Variants in ACSS3 observed in about 807,000 individuals in gnomAD.
The protein encoded by ACSS3 is acyl-CoA synthetase short-chain family member 3, mitochondrial.
A neutral mutation model predicts 84.2 loss-of-function variants in ACSS3; 64 were observed. The ratio of observed to expected loss-of-function variants is 0.76; its 90% CI spans 0.62 to 0.94. The LOEUF is 0.94. Among genes scored for constraint, ACSS3 ranks in the 40% least tolerant of loss-of-function variants. The pLI is 0.00. For missense variants in ACSS3, 815 were observed against 867.6 expected (o/e 0.94, Z 0.76); for synonymous variants, 317 against 310.1 (o/e 1.02, Z -0.23).
intron 7 of ACSS3, among the ~76,000 whole-genome samples, chr12:81,174,178 T>C (rs1327785405): frequency 6.6e-6 from 1 of 152,224 alleles, no homozygotes; most frequent in Non-Finnish European, 1.5e-5. Flanking sequence ...TTGAATTGTA[T>C]GGCTTGCCAA....
At chr12:81,095,738 C>A (rs1259869357) in intron 1 of ACSS3, among the ~76,000 whole-genome samples, 2 of 152,146 alleles carry the variant, frequency 1.3e-5, no homozygotes, top group Non-Finnish European at 2.9e-5. Context: ...CCGAGATGAT[C>A]TGGCAAGGCG....
At chr12:81,175,640 AC>A (rs202077957) in intron 8 of ACSS3, among the ~76,000 whole-genome samples, 2,777 of 152,290 alleles carry the variant, frequency 0.018, 89 homozygotes, top group African/African-American at 0.063. Flanking sequence ...AATTAAAAAA[AC>A]ATACCAGTGA....
intron 3 of ACSS3, 110 bp from the exon 4 acceptor site, chr12:81,139,021 A>G: frequency 2.5e-6 from 3 of 1,182,908 alleles, no homozygotes; most frequent in Non-Finnish European, 3.6e-6. Flanking sequence ...AAACAGAAAC[A>G]TTCAGACATT....
At position 81,213,605 on chromosome 12, in the gene ACSS3, C is replaced by CCCT. The variant is rs1225080295; in HGVS notation, c.1355-3293_1355-3291dup. 1.0e-3 allele frequency among the ~76,000 whole-genome samples: 20 copies of CCCT among 19,866 alleles called. 1 individual carries two copies. Among genetic ancestry groups the CCCT allele is most frequent in the East Asian group, 1.7e-3 (1 of 584 alleles). 13.0% of individuals were successfully genotyped at this position (19,866 alleles called of 152,430 possible). A position where few individuals can be genotyped will look rare whatever the true frequency, so the allele number is the denominator to read the frequency against. ...TCCTCCCCTCCCCTCCCCTCCCCTCCCCTCCCCTCCCCTCCTCCCCTCTCC... is the reference window on the plus strand; with the variant it reads ...TCCTCCCCTCCCCTCCCCTCCCCTCCCCTCCTCCCCTCCCCTCCTCCCCTCTCC... On this transcript the variant is annotated intron_variant, in intron 9 of 15. Coordinates refer to ENST00000548058, the MANE Select transcript of ACSS3 (RefSeq NM_024560.4).
At position 81,156,460 on chromosome 12, in the gene ACSS3, A is replaced by C. The variant is rs114014867; in HGVS notation, c.1098+4364A>C. Among the ~76,000 whole-genome samples, 1,136 of 152,150 alleles carry C rather than the reference A, an allele frequency of 7.5e-3. 17 individuals are homozygous for C. Among genetic ancestry groups the C allele is most frequent in the African/African-American group, 0.026 (1,071 of 41,502 alleles). On this transcript the variant is annotated intron_variant, in intron 7 of 15. Coordinates refer to ENST00000548058, the MANE Select transcript of ACSS3 (RefSeq NM_024560.4). ...AAGGAATAATAAAGGTAAAAGCAGG[A>C]ATCAATAACATTGAAAACATAAAAA...
At chr12:81,132,371 A>C (rs768613086) in intron 2 of ACSS3, among the ~76,000 whole-genome samples, 17 of 151,970 alleles carry the variant, frequency 1.1e-4, no homozygotes, top group Admixed American at 2.0e-4. Flanking sequence ...GTGTATGTGT[A>C]CAGGAATTTA....
At chr12:81,090,250 T>C (rs535518490) in intron 1 of ACSS3, among the ~76,000 whole-genome samples, 2 of 152,152 alleles carry the variant, frequency 1.3e-5, no homozygotes, top group South Asian at 2.1e-4. Context: ...CCTTTAGTGG[T>C]TCTTTCCTAA....
At chr12:81,221,430 T>A (rs60232430) in intron 11 of ACSS3, among the ~76,000 whole-genome samples, 1,598 of 152,242 alleles carry the variant, frequency 0.01, 31 homozygotes, top group African/African-American at 0.036. Flanking sequence ...GAAGATATTT[T>A]AAATTCTATG....
chr12:81,246,735 A>G (rs2033996809), intron 13 of ACSS3, among the ~76,000 whole-genome samples: 1 of 152,244 alleles, frequency 6.6e-6, no homozygotes, highest in South Asian at 2.1e-4. Flanking sequence ...TGTTTAAAGT[A>G]ACATGATTAA....
chr12:81,242,305 C>A (rs1275174005), intron 13 of ACSS3, among the ~76,000 whole-genome samples: 2 of 152,030 alleles, frequency 1.3e-5, no homozygotes, highest in Admixed American at 1.3e-4. Flanking sequence ...AAGACCAAAC[C>A]AGGAAGAAGT....
intron 2 of ACSS3, among the ~76,000 whole-genome samples, chr12:81,115,486 C>T (rs573640279): frequency 3.3e-5 from 5 of 151,842 alleles, no homozygotes; most frequent in South Asian, 2.1e-4. Flanking sequence ...TTAAGTTTGC[C>T]GAGATGATAT....
At chr12:81,094,260 T>A (rs974080956) in intron 1 of ACSS3, 1 of 151,762 alleles carries the variant, frequency 6.6e-6, no homozygotes, top group Non-Finnish European at 1.5e-5. Flanking sequence ...CAATGTATAT[T>A]ATCCAGCCAT....
At chr12:81,170,719 T>C (rs1367309827) in intron 7 of ACSS3, among the ~76,000 whole-genome samples, 1 of 152,164 alleles carries the variant, frequency 6.6e-6, no homozygotes, top group East Asian at 1.9e-4. Flanking sequence ...AAATTGAATA[T>C]TGTCTGGGTT....
At chr12:81,213,791 C>T (rs535419550) in intron 9 of ACSS3, among the ~76,000 whole-genome samples, 5 of 71,148 alleles carry the variant, frequency 7.0e-5, no homozygotes, top group Admixed American at 1.5e-4. Flanking sequence ...CTTCTCTTCT[C>T]TTTTCTCTTC....
intron 3 of ACSS3, among the ~76,000 whole-genome samples, chr12:81,136,597 A>C (rs1264448989): frequency 2.0e-5 from 3 of 152,114 alleles, no homozygotes; most frequent in Non-Finnish European, 4.4e-5. Context: ...GGATCCAAAA[A>C]GGCAGAAAAA....
At position 81,260,789 on chromosome 12, in the gene ACSS3, T is replaced by G. The variant is rs2035199404; in HGVS notation, c.*5867T>G. ...TCCTCTGTCTATAACTGTTTTCTCTTAACCCTGTGCACACATTTTGTTCTA... is the reference window on the plus strand; with the variant it reads ...TCCTCTGTCTATAACTGTTTTCTCTGAACCCTGTGCACACATTTTGTTCTA... On this transcript the variant is annotated 3_prime_UTR_variant, in exon 16 of 16. Coordinates refer to ENST00000548058, the MANE Select transcript of ACSS3 (RefSeq NM_024560.4). 6.6e-6 allele frequency: 1 copy of G among 152,206 alleles called. No homozygotes were observed. The highest frequency in any genetic ancestry group is 2.4e-5 in the African/African-American group (1 of 41,456). 9.4% of individuals were successfully genotyped at this position (152,206 alleles called of 1,614,324 possible). A position where few individuals can be genotyped will look rare whatever the true frequency, so the allele number is the denominator to read the frequency against.
At chr12:81,236,755 CT>C (rs1593229268) in intron 13 of ACSS3, among the ~76,000 whole-genome samples, 3 of 151,046 alleles carry the variant, frequency 2.0e-5, no homozygotes, top group African/African-American at 4.9e-5. Flanking sequence ...TTTTTTGTAG[CT>C]TTTATTAATT....
intron 2 of ACSS3, among the ~76,000 whole-genome samples, chr12:81,113,324 T>C (rs1883759583): frequency 6.6e-6 from 1 of 152,090 alleles, no homozygotes; most frequent in Admixed American, 6.6e-5. Flanking sequence ...TAGAAATAAT[T>C]TTTCCTCCAG....
intron 2 of ACSS3, among the ~76,000 whole-genome samples, chr12:81,129,306 G>T (rs1593102194): frequency 6.7e-6 from 1 of 149,066 alleles, no homozygotes; most frequent in South Asian, 2.2e-4. Flanking sequence ...TAAATAAGAG[G>T]TAAAAAATAT....
Sources: gnomAD v4.1 joint callset for allele counts (sites outside exome capture counted in the v4.1 genomes callset) on GRCh38, gnomAD v4.1.1 for gene constraint, MANE v1.5 for transcripts, NCBI Gene and HGNC (gene_info 2026-07-23, HGNC 2026-07-21) for gene names.